SLC2A9: variants seen among roughly 807,000 people sequenced by gnomAD.
SLC2A9 encodes the protein solute carrier family 2 member 9, also known as solute carrier family 2, facilitated glucose transporter member 9.
SLC2A9 carries 39 observed loss-of-function variants against 50.6 expected under a neutral mutation model. That is an observed-to-expected ratio of 0.77 (90% confidence interval 0.60 to 1.01). The LOEUF (loss-of-function observed/expected upper bound fraction) is 1.01, where lower values mean the gene tolerates loss of function less well. Ranked by LOEUF, SLC2A9 falls within the 50% of genes least tolerant of loss-of-function variation. SLC2A9 has a pLI of 0.00. For synonymous variants in SLC2A9, 324 were observed against 276.9 expected (o/e 1.17, Z -1.69); for missense variants, 686 against 677.6 (o/e 1.01, Z -0.14).
At chr4:9,913,158 G>T (rs1415723553) in intron 7 of SLC2A9, among the ~76,000 whole-genome samples, 1 of 152,178 alleles carries the variant, frequency 6.6e-6, no homozygotes, top group Non-Finnish European at 1.5e-5. Context: ...TAATAAATTG[G>T]TGTGGTTTTA....
intron 1 of SLC2A9, among the ~76,000 whole-genome samples, chr4:10,020,165 C>T (rs745533748): frequency 5.9e-5 from 9 of 151,976 alleles, no homozygotes; most frequent in Admixed American, 2.6e-4. Flanking sequence ...AGTCAAATCC[C>T]GTCTGGAAGG....
rs563301478 is a variant in SLC2A9 at position 9,783,467 on chromosome 4, G to T, written n.386-3402C>A. The T allele has an allele frequency of 2.9e-5, 46 of 1,593,442 alleles. No individual in the cohort carries two copies. The East Asian group carries it at 8.1e-4, about 28-fold the overall frequency. ...CACCCCGAATGGATTCCATTAAACT[G>T]CATTAAGAAACCCCCTCATGGATCT... On this transcript the variant is annotated intron_variant and non_coding_transcript_variant, in intron 3 of 3. Coordinates refer to the SLC2A9 transcript ENST00000503803.
intron 1 of SLC2A9, chr4:10,019,313 C>T: frequency 5.3e-6 from 3 of 565,294 alleles, no homozygotes; most frequent in South Asian, 2.2e-5. Flanking sequence ...GCGTTCCTTC[C>T]GGGTTGCGTG....
chr4:9,897,066 G>A (rs1428439225), intron 8 of SLC2A9, among the ~76,000 whole-genome samples: 1 of 152,100 alleles, frequency 6.6e-6, no homozygotes, highest in Admixed American at 6.6e-5. Flanking sequence ...ATTATATCCA[G>A]AACTTGAGGC....
At chr4:9,951,476 G>A (rs892465116) in intron 5 of SLC2A9, among the ~76,000 whole-genome samples, 4 of 152,084 alleles carry the variant, frequency 2.6e-5, no homozygotes, top group Admixed American at 1.3e-4. Flanking sequence ...TAAATATTCT[G>A]ACTCAATCAC....
At chr4:9,847,949 G>A (rs1729243907) in intron 10 of SLC2A9, among the ~76,000 whole-genome samples, 1 of 152,152 alleles carries the variant, frequency 6.6e-6, no homozygotes, top group Non-Finnish European at 1.5e-5. Context: ...CAGAGACACT[G>A]CAAAAGTTAG....
At chr4:9,951,168 G>C (rs1051227818) in intron 5 of SLC2A9, among the ~76,000 whole-genome samples, 3 of 152,148 alleles carry the variant, frequency 2.0e-5, no homozygotes, top group Non-Finnish European at 4.4e-5. Flanking sequence ...TAAAAAGAAT[G>C]AAATCATGTC....
At chr4:10,015,090 C>T (rs1445150332) in intron 2 of SLC2A9, among the ~76,000 whole-genome samples, 2 of 152,308 alleles carry the variant, frequency 1.3e-5, no homozygotes, top group South Asian at 4.1e-4. Context: ...CAGGTGCCTG[C>T]TTGTAACACG....
chr4:9,840,131 C>A (rs1326327230), intron 10 of SLC2A9, among the ~76,000 whole-genome samples: 1 of 152,178 alleles, frequency 6.6e-6, no homozygotes, highest in Non-Finnish European at 1.5e-5. Flanking sequence ...CAGTAAGCTG[C>A]AAACTCAGTG....
At chr4:9,867,095 C>T (rs1417141254) in intron 10 of SLC2A9, among the ~76,000 whole-genome samples, 3 of 152,178 alleles carry the variant, frequency 2.0e-5, no homozygotes, top group Admixed American at 6.5e-5. Context: ...CAATGGGCAG[C>T]GTGTGAATGC....
chr4:10,031,456 C>G (rs1199141521), intron 1 of SLC2A9, among the ~76,000 whole-genome samples: 2 of 152,218 alleles, frequency 1.3e-5, no homozygotes, highest in East Asian at 3.9e-4. Flanking sequence ...AGCTTTAGAT[C>G]AATGAGATGC....
At position 9,782,041 on chromosome 4, in the gene SLC2A9, A is replaced by G. The variant is rs780035670; in HGVS notation, n.386-1976T>C. On this transcript the variant is annotated intron_variant and non_coding_transcript_variant, in intron 3 of 3. Transcript: ENST00000503803. ...CAGTCCAGCCCGAAATGCTGCCGCC[A>G]GGCAGCAACGGCACCGCGTACCCGG... is the stretch of plus-strand genomic sequence containing the variant. The G allele has an allele frequency of 2.7e-6, 4 of 1,469,404 alleles. No individual in the cohort carries two copies. The South Asian group carries it at 5.7e-5, about 21-fold the overall frequency. The allele number at this position is 1,469,404 out of a possible 1,614,324, so 91.0% of individuals were successfully genotyped here.
chr4:9,796,311 T>A (rs1175967583), downstream of SLC2A9, among the ~76,000 whole-genome samples: 1 of 152,214 alleles, frequency 6.6e-6, no homozygotes, highest in Non-Finnish European at 1.5e-5. Flanking sequence ...GTTTGCCAAT[T>A]CATTCCCATC....
intron 2 of SLC2A9, 129 bp downstream of exon 2, chr4:10,018,846 A>C (rs996091331): frequency 1.2e-6 from 1 of 844,926 alleles, no homozygotes. Flanking sequence ...AGTGGGGGCT[A>C]ATCTCTGTCC....
At chr4:9,820,682 T>A (rs975055001) in intron 3 of SLC2A9, among the ~76,000 whole-genome samples, 10 of 152,220 alleles carry the variant, frequency 6.6e-5, no homozygotes, top group African/African-American at 2.4e-4. Context: ...TTTAACCAAG[T>A]ATTTCTTGTT....
At chr4:9,928,501 G>A (rs569387404) in intron 6 of SLC2A9, among the ~76,000 whole-genome samples, 1 of 152,236 alleles carries the variant, frequency 6.6e-6, no homozygotes, top group South Asian at 2.1e-4. Flanking sequence ...GGAGGCCAAG[G>A]CAGGCAGATC....
At chr4:9,828,437 C>A (rs1335163503) in intron 11 of SLC2A9, among the ~76,000 whole-genome samples, 1 of 152,194 alleles carries the variant, frequency 6.6e-6, no homozygotes, top group Non-Finnish European at 1.5e-5. Context: ...CTCCTCTGCT[C>A]AAAACCCACC....
At chr4:9,816,872 C>CTTAATAAA (rs2109020326) in intron 3 of SLC2A9, among the ~76,000 whole-genome samples, 1 of 151,074 alleles carries the variant, frequency 6.6e-6, no homozygotes, top group East Asian at 1.9e-4. Context: ...CTTAAAACAA[C>CTTAATAAA]AAAAATTTAT....
In SLC2A9 at chr4:9,980,766, G is replaced by C. The variant is rs1463817884; in HGVS notation, c.536-29C>G. ...TAGAGAGAAAGCATAGCAGCAGTTA[G>C]AGAGGTGTCTTCCCGGGGGAGCTGC... is the stretch of plus-strand genomic sequence containing the variant. On this transcript the variant is annotated intron_variant, in intron 4 of 11. Transcript: ENST00000264784. The C allele has an allele frequency of 4.3e-6, 7 of 1,614,140 alleles. No homozygotes were observed. The East Asian group carries it at 1.3e-4, about 31-fold the overall frequency.
Sources: gnomAD v4.1 joint callset for allele counts (sites outside exome capture counted in the v4.1 genomes callset) on GRCh38, gnomAD v4.1.1 for gene constraint, MANE v1.5 for transcripts, NCBI Gene and HGNC (gene_info 2026-07-23, HGNC 2026-07-21) for gene names.